The following PCDHGA2 variants were observed in gnomAD, a reference collection of about 807,000 sequenced individuals.
PCDHGA2 encodes protocadherin gamma-A2.
Under a neutral mutation model 59.2 loss-of-function variants are expected in PCDHGA2, and 40 were observed. The observed-to-expected ratio is 0.68, with a 90% CI of 0.52 to 0.88. The LOEUF is 0.88. Ranked by LOEUF, PCDHGA2 falls within the 40% of genes least tolerant of loss-of-function variation. The pLI, the probability that PCDHGA2 is intolerant of heterozygous loss-of-function variation, is 0.00. For synonymous variants in PCDHGA2, 560 were observed against 526.0 expected (o/e 1.06, Z -0.89); for missense variants, 1,226 against 1,204.0 (o/e 1.02, Z -0.27).
At chr5:141,483,757 C>T (rs895694800) in intron 1 of PCDHGA2, among the ~76,000 whole-genome samples, 1 of 151,984 alleles carries the variant, frequency 6.6e-6, no homozygotes, top group Non-Finnish European at 1.5e-5. Flanking sequence ...AGGATCGAGG[C>T]TTGGAAAAAT....
At chr5:141,342,937 C>G (rs2149729492) in intron 1 of PCDHGA2, 1 of 152,320 alleles carries the variant, frequency 6.6e-6, no homozygotes, top group East Asian at 1.9e-4. Flanking sequence ...TGATTTCTCT[C>G]TCACACCTAG....
In PCDHGA2 at chr5:141,486,649, C is replaced by G; in HGVS notation, c.2425-8158C>G. On this transcript the variant is annotated intron_variant, in intron 1 of 3. Transcript: ENST00000394576. This position sits in a 1 kb window ranked among gnomAD's most constrained non-coding sequence, Gnocchi z 5.0. The stretch of plus-strand genomic sequence containing the variant: ...CTGGCTTGAATGCGCTTATCTCCTA[C>G]TCACTCCTGGAGCCCAGGAATCGAG... The G allele has an allele frequency of 6.2e-7, 1 of 1,613,952 alleles. No individual in the cohort carries two copies. The highest frequency in any genetic ancestry group is 8.5e-7 in the Non-Finnish European group (1 of 1,180,034).
Position 141,491,414 on chromosome 5 carries a change from G to A in PCDHGA2, c.2425-3393G>A. On this transcript the variant is annotated intron_variant, in intron 1 of 3. Coordinates refer to ENST00000394576, the MANE Select transcript of PCDHGA2 (RefSeq NM_018915.4). The surrounding 1 kb of genome is among the most constrained non-coding windows in gnomAD (Gnocchi z 6.9). ...CTTCAGGGAAACGCAGACGGGGACGGGGGTGGAGGGCAGTGCTGCAGGCGC... is the reference window on the plus strand; with the variant it reads ...CTTCAGGGAAACGCAGACGGGGACGAGGGTGGAGGGCAGTGCTGCAGGCGC... 2 of 1,614,126 alleles carry A rather than the reference G, an allele frequency of 1.2e-6. No individual in the cohort carries two copies. Among genetic ancestry groups the A allele is most frequent in the Non-Finnish European group, 1.7e-6 (2 of 1,180,022 alleles).
chr5:141,367,766 A>G (rs1166226365), intron 1 of PCDHGA2: 1 of 152,176 alleles, frequency 6.6e-6, no homozygotes, highest in East Asian at 1.9e-4. Context: ...TGCACTCAAT[A>G]AATGTAAATA....
intron 1 of PCDHGA2, chr5:141,360,653 A>G: frequency 1.9e-6 from 3 of 1,614,020 alleles, no homozygotes; most frequent in East Asian, 2.2e-5. Context: ...TACCACCTTA[A>G]TGACAACGAG....
chr5:141,503,773 C>A (rs961986223), intron 2 of PCDHGA2, among the ~76,000 whole-genome samples: 1 of 152,204 alleles, frequency 6.6e-6, no homozygotes. Context: ...TGTGTCTGTT[C>A]TTAGGCTGAG....
intron 1 of PCDHGA2, among the ~76,000 whole-genome samples, chr5:141,437,721 A>G (rs2097904045): frequency 6.6e-6 from 1 of 151,664 alleles, no homozygotes; most frequent in African/African-American, 2.4e-5. Flanking sequence ...TTACCCTCTA[A>G]TGTTACACTT....
chr5:141,393,126 A>C (rs1216742718), intron 1 of PCDHGA2: 1 of 1,613,316 alleles, frequency 6.2e-7, no homozygotes, highest in East Asian at 2.2e-5. Context: ...GTGTCTGATA[A>C]ATATTAACAC....
intron 1 of PCDHGA2, chr5:141,350,338 C>T: frequency 1.3e-6 from 2 of 1,541,542 alleles, no homozygotes; most frequent in Non-Finnish European, 1.7e-6. Flanking sequence ...TCTGCGGGGC[C>T]ATCTCCCAGC....
Position 141,360,572 on chromosome 5 carries a change from C to G in PCDHGA2, c.2424+19177C>G, listed in dbSNP as rs962315803. ...ATTAATTTAAAAATTGGCGAATCCA[C>G]TAAGCCAGGTACAACATTTCCACTT... On this transcript the variant is annotated intron_variant, in intron 1 of 3. Coordinates refer to ENST00000394576, the MANE Select transcript of PCDHGA2 (RefSeq NM_018915.4). 2.5e-6 allele frequency: 4 copies of G among 1,613,998 alleles called. No individual in the cohort carries two copies. The South Asian group carries it at 3.3e-5, about 13-fold the overall frequency.
intron 1 of PCDHGA2, among the ~76,000 whole-genome samples, chr5:141,401,282 C>T (rs963741934): frequency 2.6e-5 from 4 of 151,884 alleles, no homozygotes; most frequent in Non-Finnish European, 4.4e-5. Flanking sequence ...GTGGAGGTTG[C>T]GGTGAGCCGA....
rs370284141 is a variant in PCDHGA2, at chr5:141,421,654, G to A, written c.2425-73153G>A. On this transcript the variant is annotated intron_variant, in intron 1 of 3. Coordinates refer to ENST00000394576, the MANE Select transcript of PCDHGA2 (RefSeq NM_018915.4). ...CCAGGAGGACGAAGTGGAGATAAAA[G>A]TCAGTGAGCACGCAATTCCTGGGGC... The A allele has an allele frequency of 3.5e-5, 57 of 1,613,746 alleles. No individual in the cohort carries two copies. Among genetic ancestry groups the A allele is most frequent in the Admixed American group, 5.0e-5 (3 of 59,974 alleles).
At chr5:141,412,729 T>C (rs1411212101) in intron 1 of PCDHGA2, 1 of 153,332 alleles carries the variant, frequency 6.5e-6, no homozygotes, top group Non-Finnish European at 1.5e-5. Flanking sequence ...GAAAACGTGT[T>C]GCAAATATAT....
In PCDHGA2 at chr5:141,505,438, T is replaced by C. The variant is rs149352680; in HGVS notation, c.2529T>C (p.Phe843=). The C allele has an allele frequency of 6.8e-6, 11 of 1,614,046 alleles. No homozygotes were observed. The African/African-American group carries it at 1.5e-4, about 22-fold the overall frequency. The stretch of plus-strand genomic sequence containing the variant: ...CCGGCACCTGGCCCAACAACCAGTT[T>C]GACACAGAGATGCTGCAAGCCATGA... ...DDTGTWPNNQ[F]DTEMLQAMIL... Residue 843 remains phenylalanine, a synonymous_variant, in exon 3 of 4, where the codon TTT becomes TTC. Transcript: ENST00000394576.
intron 1 of PCDHGA2, chr5:141,362,075 G>A (rs533999436): frequency 5.6e-6 from 9 of 1,612,846 alleles, no homozygotes; most frequent in Non-Finnish European, 7.6e-6. Context: ...GTCGCTGTGC[G>A]TGATGGAGGA....
chr5:141,395,034 G>C, intron 1 of PCDHGA2: 1 of 1,614,150 alleles, frequency 6.2e-7, no homozygotes, highest in South Asian at 1.1e-5. Flanking sequence ...CTCACATTTT[G>C]TGGGTGTTGA....
chr5:141,452,364 A>G (rs1330623001), intron 1 of PCDHGA2, among the ~76,000 whole-genome samples: 1 of 152,188 alleles, frequency 6.6e-6, no homozygotes, highest in African/African-American at 2.4e-5. Flanking sequence ...GCCTTGCTTC[A>G]TTTTAGTAGG....
intron 1 of PCDHGA2, among the ~76,000 whole-genome samples, chr5:141,443,812 G>A (rs1441798548): frequency 6.6e-6 from 1 of 151,990 alleles, no homozygotes; most frequent in Admixed American, 6.6e-5. Flanking sequence ...AGTTACCTTT[G>A]GAAAACATAA....
At chr5:141,418,357 G>T (rs375883635) in intron 1 of PCDHGA2, 2 of 1,613,864 alleles carry the variant, frequency 1.2e-6, no homozygotes, top group African/African-American at 2.7e-5. Flanking sequence ...GTATGAATTC[G>T]CTGAGCAAAT....
Sources: allele counts gnomAD v4.1 joint callset (sites outside exome capture counted in the v4.1 genomes callset), GRCh38; gene constraint gnomAD v4.1.1; non-coding constraint Gnocchi (gnomAD v3.1); transcripts MANE v1.5; gene names NCBI Gene and HGNC (gene_info 2026-07-23, HGNC 2026-07-21).